Variants in DENND1B observed in about 807,000 individuals in gnomAD.
DENND1B encodes DENN domain-containing protein 1B.
Under a neutral mutation model 90.1 loss-of-function variants are expected in DENND1B, and 59 were observed. The observed-to-expected ratio is 0.65, with a 90% CI of 0.53 to 0.81. The LOEUF (loss-of-function observed/expected upper bound fraction) is 0.81. Among genes scored for constraint, DENND1B ranks in the 40% least tolerant of loss-of-function variants. DENND1B has a pLI of 0.00. For synonymous variants in DENND1B, 337 were observed against 324.6 expected (o/e 1.04, Z -0.41); for missense variants, 862 against 912.6 (o/e 0.94, Z 0.71).
intron 20 of DENND1B, 58 bp from the exon 21 acceptor site, chr1:197,513,011 C>A: frequency 7.0e-7 from 1 of 1,433,582 alleles, no homozygotes; most frequent in Non-Finnish European, 9.5e-7. Context: ...GTCTCTTTAG[C>A]AAATTTTAAA....
At chr1:197,607,335 G>GA (rs1676776995) in intron 12 of DENND1B, among the ~76,000 whole-genome samples, 161 bp from the exon 13 acceptor site, 2 of 150,928 alleles carry the variant, frequency 1.3e-5, no homozygotes, top group Non-Finnish European at 3.0e-5. Flanking sequence ...TGCCTCCTGA[G>GA]AAAGTCTGAC....
intron 3 of DENND1B, among the ~76,000 whole-genome samples, chr1:197,681,393 T>G (rs991328671): frequency 1.3e-5 from 2 of 152,134 alleles, no homozygotes; most frequent in Non-Finnish European, 2.9e-5. Context: ...TCTTTCAAAT[T>G]AAAAATACCT....
At chr1:197,721,947 A>G (rs1032846297) in intron 2 of DENND1B, among the ~76,000 whole-genome samples, 1 of 152,160 alleles carries the variant, frequency 6.6e-6, no homozygotes, top group South Asian at 2.1e-4. Flanking sequence ...ATGTGTACAC[A>G]AGATATACTG....
At chr1:197,601,932 C>T (rs1047125111) in intron 13 of DENND1B, among the ~76,000 whole-genome samples, 1 of 151,264 alleles carries the variant, frequency 6.6e-6, no homozygotes, top group African/African-American at 2.4e-5. Flanking sequence ...AGTTTACCTA[C>T]AAACAAAAAA....
At chr1:197,658,793 A>G (rs570553232) in intron 5 of DENND1B, among the ~76,000 whole-genome samples, 15 of 151,274 alleles carry the variant, frequency 9.9e-5, no homozygotes, top group South Asian at 2.1e-4. Context: ...GTGTTTTTCA[A>G]TTCTTCAGAA....
chr1:197,564,179 G>T (rs1672413872), intron 15 of DENND1B, among the ~76,000 whole-genome samples: 1 of 151,792 alleles, frequency 6.6e-6, no homozygotes, highest in Non-Finnish European at 1.5e-5. Flanking sequence ...GGTTTGAGAA[G>T]ATTGACTCCA....
chr1:197,595,406 G>A (rs1675596460), intron 13 of DENND1B, 73 bp from the exon 14 acceptor site: 2 of 1,567,274 alleles, frequency 1.3e-6, no homozygotes, highest in Non-Finnish European at 1.7e-6. Flanking sequence ...CCAATCAGCA[G>A]GCAAACCACA....
intron 7 of DENND1B, 113 bp from the exon 8 acceptor site, chr1:197,647,227 A>G: frequency 2.0e-6 from 1 of 510,496 alleles, no homozygotes; most frequent in Non-Finnish European, 3.3e-6. Flanking sequence ...CCACTAAAAA[A>G]TACTTGAATA....
intron 15 of DENND1B, among the ~76,000 whole-genome samples, chr1:197,582,542 A>T (rs1001138152): frequency 1.3e-5 from 2 of 152,230 alleles, no homozygotes; most frequent in Non-Finnish European, 2.9e-5. Flanking sequence ...AACCCAATTT[A>T]AGACACTTGC....
chr1:197,598,583 C>A (rs1675918802), intron 13 of DENND1B, among the ~76,000 whole-genome samples: 1 of 151,800 alleles, frequency 6.6e-6, no homozygotes, highest in Admixed American at 6.6e-5. Context: ...AATTTCCAAA[C>A]TTCTAACTTT....
chr1:197,705,552 C>T (rs945537259), intron 3 of DENND1B, among the ~76,000 whole-genome samples: 11 of 151,132 alleles, frequency 7.3e-5, no homozygotes, highest in Non-Finnish European at 2.9e-5. Flanking sequence ...CTGGACCTGA[C>T]AAGTACATTA....
chr1:197,717,760 C>A (rs999657877), intron 2 of DENND1B, among the ~76,000 whole-genome samples: 1 of 151,748 alleles, frequency 6.6e-6, no homozygotes, highest in African/African-American at 2.4e-5. Context: ...CATTTCCTGG[C>A]CCTTAACTGA....
At chr1:197,698,753 C>A (rs1288926733) in intron 3 of DENND1B, among the ~76,000 whole-genome samples, 1 of 152,062 alleles carries the variant, frequency 6.6e-6, no homozygotes, top group Non-Finnish European at 1.5e-5. Flanking sequence ...CACAGAAATA[C>A]AAACTACCAT....
intron 2 of DENND1B, among the ~76,000 whole-genome samples, chr1:197,759,581 AC>A (rs1237810674): frequency 1.3e-5 from 2 of 151,190 alleles, no homozygotes; most frequent in Admixed American, 1.3e-4. Context: ...TACTAAAAAT[AC>A]AAAAAAAAAA....
chr1:197,579,676 C>T (rs2125763039), intron 15 of DENND1B, among the ~76,000 whole-genome samples: 1 of 152,300 alleles, frequency 6.6e-6, no homozygotes, highest in East Asian at 1.9e-4. Flanking sequence ...TTAGTCTACC[C>T]TCTATGTCTA....
At chr1:197,743,145 CA>C (rs1663373074) in intron 2 of DENND1B, among the ~76,000 whole-genome samples, 1 of 152,088 alleles carries the variant, frequency 6.6e-6, no homozygotes. Flanking sequence ...ATGATATTAA[CA>C]AGATTAAATC....
chr1:197,608,401 T>C (rs942328554), intron 12 of DENND1B, among the ~76,000 whole-genome samples: 6 of 150,696 alleles, frequency 4.0e-5, no homozygotes, highest in Admixed American at 3.3e-4. Flanking sequence ...GAATCACTTA[T>C]AGTGATACTA....
chr1:197,647,419 A>G (rs1680820298), intron 7 of DENND1B, among the ~76,000 whole-genome samples: 1 of 152,170 alleles, frequency 6.6e-6, no homozygotes, highest in Non-Finnish European at 1.5e-5. Flanking sequence ...CTGATTACTA[A>G]TGGCCATTAT....
chr1:197,646,870 A>G (rs1680770808), intron 8 of DENND1B, among the ~76,000 whole-genome samples, 185 bp downstream of exon 8: 1 of 152,154 alleles, frequency 6.6e-6, no homozygotes, highest in South Asian at 2.1e-4. Flanking sequence ...ACTATATTTC[A>G]TAAAACTATG....
Sources: gnomAD v4.1 joint callset for allele counts (sites outside exome capture counted in the v4.1 genomes callset) on GRCh38, gnomAD v4.1.1 for gene constraint, MANE v1.5 for transcripts, NCBI Gene and HGNC (gene_info 2026-07-23, HGNC 2026-07-21) for gene names.